Variants in MKLN1 observed in about 807,000 individuals in gnomAD.
MKLN1 encodes muskelin 1.
Under a neutral mutation model 99.0 loss-of-function variants are expected in MKLN1, and 18 were observed. The observed-to-expected ratio is 0.18, with a 90% CI of 0.13 to 0.27. The LOEUF is 0.27. Among genes scored for constraint, MKLN1 ranks in the 10% least tolerant of loss-of-function variants. The pLI is 1.00. For missense variants in MKLN1, 621 were observed against 875.9 expected (o/e 0.71, Z 3.67); for synonymous variants, 288 against 293.2 (o/e 0.98, Z 0.18).
intron 1 of MKLN1, among the ~76,000 whole-genome samples, chr7:131,371,932 C>G (rs1185460627): frequency 6.6e-6 from 1 of 151,876 alleles, no homozygotes; most frequent in African/African-American, 2.4e-5. Context: ...CAGGGTCTCT[C>G]CCTGTTGCCT....
intron 3 of MKLN1, chr7:131,242,653 G>T: frequency 1.7e-6 from 1 of 580,430 alleles, no homozygotes. Context: ...TATTCTGGAT[G>T]CAAAGCCATC....
intron 7 of MKLN1, among the ~76,000 whole-genome samples, chr7:131,412,670 G>T (rs1794913079): frequency 6.6e-6 from 1 of 152,166 alleles, no homozygotes; most frequent in Non-Finnish European, 1.5e-5. Flanking sequence ...TATAAGGGGG[G>T]AGGTTTTGTC....
intron 3 of MKLN1, among the ~76,000 whole-genome samples, chr7:131,282,349 C>CAAAAAAAAA (rs1001483569): frequency 1.5e-5 from 1 of 65,680 alleles, no homozygotes; most frequent in African/African-American, 4.9e-5. Flanking sequence ...AACTCCGTCT[C>CAAAAAAAAA]AAAAAAAAAA....
chr7:131,333,869 G>A (rs1192954476), intron 1 of MKLN1, among the ~76,000 whole-genome samples: 3 of 152,152 alleles, frequency 2.0e-5, no homozygotes. Context: ...TAAATTCCTA[G>A]ATGTTGAGTT....
At chr7:131,246,750 G>T (rs1334411263) in intron 3 of MKLN1, among the ~76,000 whole-genome samples, 1 of 151,934 alleles carries the variant, frequency 6.6e-6, no homozygotes, top group Non-Finnish European at 1.5e-5. Context: ...CCAAAGTGCT[G>T]GGATTACAGG....
intron 3 of MKLN1, among the ~76,000 whole-genome samples, chr7:131,229,658 T>C (rs116674444): frequency 0.014 from 2,140 of 152,160 alleles, 41 homozygotes; most frequent in African/African-American, 0.049. Flanking sequence ...TGGGCTCAGG[T>C]GATCCTTCTG....
intron 2 of MKLN1, 56 bp from the exon 3 acceptor site, chr7:131,387,064 T>G: frequency 6.8e-7 from 1 of 1,477,528 alleles, no homozygotes; most frequent in Non-Finnish European, 9.1e-7. Flanking sequence ...GTTTTAAAGT[T>G]GTCTAACATT....
chr7:131,347,362 A>C (rs1457367020), intron 1 of MKLN1, among the ~76,000 whole-genome samples: 1 of 152,196 alleles, frequency 6.6e-6, no homozygotes, highest in Non-Finnish European at 1.5e-5. Flanking sequence ...GGAACTGGGC[A>C]TTGAAGCTGT....
At chr7:131,168,874 T>C (rs2116329449) in intron 2 of MKLN1, among the ~76,000 whole-genome samples, 1 of 151,290 alleles carries the variant, frequency 6.6e-6, no homozygotes, top group African/African-American at 2.4e-5. Flanking sequence ...GTTTTCTTTT[T>C]TTTTTTTTTT....
At chr7:131,142,785 A>C in intron 1 of MKLN1, 1 of 514,436 alleles carries the variant, frequency 1.9e-6, no homozygotes, top group Non-Finnish European at 3.3e-6. Context: ...ATAGAGGTAG[A>C]CTTCACATCT....
intron 3 of MKLN1, among the ~76,000 whole-genome samples, chr7:131,292,912 C>T (rs562398622): frequency 2.0e-5 from 3 of 152,300 alleles, no homozygotes; most frequent in African/African-American, 7.2e-5. Context: ...AGCTTAACAG[C>T]ACTAATAGTG....
At chr7:131,434,042 C>A (rs1370309585) in intron 9 of MKLN1, among the ~76,000 whole-genome samples, 2 of 152,040 alleles carry the variant, frequency 1.3e-5, no homozygotes, top group Non-Finnish European at 2.9e-5. Flanking sequence ...AGCTGAGACC[C>A]ACCTGGCTAA....
At chr7:131,165,175 CGTT>C (rs534741555) in intron 2 of MKLN1, among the ~76,000 whole-genome samples, 298 of 151,804 alleles carry the variant, frequency 2.0e-3, no homozygotes, top group Non-Finnish European at 3.6e-3. Context: ...AGGGTGTTTT[CGTT>C]GTTGTTGTTT....
intron 3 of MKLN1, among the ~76,000 whole-genome samples, chr7:131,242,409 G>T (rs1158406507): frequency 6.6e-6 from 1 of 152,148 alleles, no homozygotes; most frequent in Non-Finnish European, 1.5e-5. Flanking sequence ...GGTGGGGCAT[G>T]CCTGTAGTCC....
At chr7:131,234,156 T>C (rs1312642360) in intron 3 of MKLN1, among the ~76,000 whole-genome samples, 10 of 151,686 alleles carry the variant, frequency 6.6e-5, no homozygotes, top group Admixed American at 1.3e-4. Flanking sequence ...ATTTTTGTAT[T>C]TTTAGTAGAG....
intron 5 of MKLN1, among the ~76,000 whole-genome samples, chr7:131,397,757 G>C (rs918780407): frequency 2.0e-5 from 3 of 152,152 alleles, no homozygotes; most frequent in Middle Eastern, 3.4e-3. Context: ...TTTTTCACTT[G>C]TATTCATATA....
chr7:131,181,859 C>T (rs534319694), intron 2 of MKLN1, among the ~76,000 whole-genome samples: 1 of 152,218 alleles, frequency 6.6e-6, no homozygotes, highest in South Asian at 2.1e-4. Flanking sequence ...GAGATTTCAC[C>T]ATATTGGTCA....
intron 14 of MKLN1, among the ~76,000 whole-genome samples, chr7:131,465,008 A>G (rs1796618056): frequency 1.3e-5 from 2 of 152,272 alleles, no homozygotes; most frequent in South Asian, 4.1e-4. Context: ...TAAGCCATGG[A>G]TGATTTATTT....
intron 3 of MKLN1, among the ~76,000 whole-genome samples, chr7:131,256,540 G>T (rs1281204169): frequency 6.6e-6 from 1 of 152,192 alleles, no homozygotes; most frequent in Non-Finnish European, 1.5e-5. Context: ...CTACATTAGA[G>T]TAAGAAATGA....
Sources: gnomAD v4.1 joint callset for allele counts (sites outside exome capture counted in the v4.1 genomes callset) on GRCh38, gnomAD v4.1.1 for gene constraint, MANE v1.5 for transcripts, NCBI Gene and HGNC (gene_info 2026-07-23, HGNC 2026-07-21) for gene names.